PPP1R36: variants seen among roughly 807,000 people sequenced by gnomAD.
PPP1R36 encodes chromosome 14 open reading frame 50.
In PPP1R36, 47 loss-of-function variants were observed where a neutral mutation model predicts 53.4. The observed-to-expected ratio is 0.88, with a 90% CI of 0.70 to 1.12. The LOEUF (loss-of-function observed/expected upper bound fraction) is 1.12, where lower values mean the gene tolerates loss of function less well. Among genes scored for constraint, PPP1R36 ranks in the 50% most tolerant of loss-of-function variants. The pLI is 0.00. For missense variants in PPP1R36, 456 were observed against 513.9 expected, an observed-to-expected ratio of 0.89 and a Z score of 1.09; for synonymous variants, 153 against 170.5, an observed-to-expected ratio of 0.90 and a Z score of 0.80.
At chr14:64,566,847 GC>G (rs1427166177) in intron 6 of PPP1R36, among the ~76,000 whole-genome samples, 4 of 152,226 alleles carry the variant, frequency 2.6e-5, no homozygotes, top group Admixed American at 1.3e-4. Flanking sequence ...CCTAGAAGCA[GC>G]CCTCATTCAG....
At chr14:64,564,698 C>A in intron 3 of PPP1R36, 53 bp from the exon 4 acceptor site, 1 of 1,236,738 alleles carries the variant, frequency 8.1e-7, no homozygotes, top group Non-Finnish European at 1.2e-6. Flanking sequence ...TATGATTTGA[C>A]TTGTTTTCCC....
chr14:64,580,017 T>G (rs1173019011), intron 8 of PPP1R36, among the ~76,000 whole-genome samples: 1 of 144,228 alleles, frequency 6.9e-6, no homozygotes, highest in Non-Finnish European at 1.5e-5. Flanking sequence ...GAAATGATTT[T>G]GGCCAGGCAC....
At chr14:64,559,080 A>G (rs1012617358) in intron 3 of PPP1R36, among the ~76,000 whole-genome samples, 5 of 152,194 alleles carry the variant, frequency 3.3e-5, no homozygotes, top group African/African-American at 1.2e-4. Context: ...TGACTTTGTT[A>G]TGGCAGAAAA....
chr14:64,555,961 CA>C (rs1193243356), intron 3 of PPP1R36, among the ~76,000 whole-genome samples: 1 of 151,946 alleles, frequency 6.6e-6, no homozygotes. Flanking sequence ...TATAAATGTA[CA>C]AAGCAGAAAG....
At chr14:64,560,173 G>A (rs1224155848) in intron 3 of PPP1R36, among the ~76,000 whole-genome samples, 1 of 150,354 alleles carries the variant, frequency 6.7e-6, no homozygotes, top group Non-Finnish European at 1.5e-5. Context: ...AGGCACAGTG[G>A]CTCACGCTTG....
chr14:64,573,020 C>G (rs1171870215), intron 7 of PPP1R36, among the ~76,000 whole-genome samples: 1 of 152,082 alleles, frequency 6.6e-6, no homozygotes, highest in Non-Finnish European at 1.5e-5. Context: ...AATAACTGTT[C>G]TTGCTGACTT....
At chr14:64,568,688 G>A (rs897630158) in intron 7 of PPP1R36, among the ~76,000 whole-genome samples, 3 of 152,202 alleles carry the variant, frequency 2.0e-5, no homozygotes, top group Non-Finnish European at 4.4e-5. Context: ...TGAAAGCCAT[G>A]TATGTAATTT....
Position 64,573,913 on chromosome 14 carries a change from C to CAA in PPP1R36, c.534-512_534-511dup, listed in dbSNP as rs35427371. Reference sequence around the variant, plus strand: ...TGGGCGACACAGCGAGACTCTGTCTCAAAAAAAAAAAAAAAAAAAAAAAAA... The same window carrying CAA: ...TGGGCGACACAGCGAGACTCTGTCTCAAAAAAAAAAAAAAAAAAAAAAAAAAA... On this transcript the variant is annotated intron_variant, in intron 7 of 11. Transcript: ENST00000298705. Among the ~76,000 whole-genome samples the CAA allele has an allele frequency of 9.5e-4, 31 of 32,536 alleles. 1 individual carries two copies. Among genetic ancestry groups the CAA allele is most frequent in the African/African-American group, 2.0e-3 (15 of 7,382 alleles). The allele number at this position is 32,536 out of a possible 152,430, so 21.3% of individuals were successfully genotyped here.
At chr14:64,577,535 C>T (rs953821795) in intron 8 of PPP1R36, among the ~76,000 whole-genome samples, 4 of 152,070 alleles carry the variant, frequency 2.6e-5, no homozygotes, top group Non-Finnish European at 5.9e-5. Flanking sequence ...CAGGGTCAGA[C>T]ATGCATTGAG....
At chr14:64,577,535 C>A (rs953821795) in intron 8 of PPP1R36, among the ~76,000 whole-genome samples, 3 of 152,070 alleles carry the variant, frequency 2.0e-5, no homozygotes, top group Non-Finnish European at 4.4e-5. Flanking sequence ...CAGGGTCAGA[C>A]ATGCATTGAG....
chr14:64,572,536 T>C (rs531984029), intron 7 of PPP1R36, among the ~76,000 whole-genome samples: 2 of 152,304 alleles, frequency 1.3e-5, no homozygotes, highest in South Asian at 2.1e-4. Context: ...TTTTTTTCCA[T>C]TTCAACACAT....
intron 8 of PPP1R36, among the ~76,000 whole-genome samples, chr14:64,580,497 A>C (rs1353532373): frequency 6.6e-6 from 1 of 152,198 alleles, no homozygotes; most frequent in Non-Finnish European, 1.5e-5. Flanking sequence ...ATTTTTACAC[A>C]AACCTTTAAA....
intron 3 of PPP1R36, among the ~76,000 whole-genome samples, chr14:64,556,673 C>A (rs1347718798): frequency 1.4e-5 from 2 of 142,596 alleles, no homozygotes. Context: ...ACTTGGGATG[C>A]TGAGGTGGGA....
rs558097725 is a variant in PPP1R36, at chr14:64,570,750, C to T, written c.533+2303C>T. On this transcript the variant is annotated intron_variant, in intron 7 of 11. Transcript: ENST00000298705. ...AGTGCATGGCACTTGGGAGGAAAGCCTACAGCCGTGAGAGGAAAGCAGAAA... is the reference window on the plus strand; with the variant it reads ...AGTGCATGGCACTTGGGAGGAAAGCTTACAGCCGTGAGAGGAAAGCAGAAA... Among the ~76,000 whole-genome samples, 7 of 152,238 alleles carry T rather than the reference C, an allele frequency of 4.6e-5. No individual in the cohort carries two copies. In the East Asian group the frequency reaches 9.6e-4, roughly 21 times the overall value.
intron 8 of PPP1R36, 21 bp from the exon 9 acceptor site, chr14:64,586,816 T>A: frequency 6.3e-7 from 1 of 1,588,412 alleles, no homozygotes; most frequent in Non-Finnish European, 8.6e-7. Context: ...CAACCTATAG[T>A]TGTGACTTGT....
At chr14:64,550,699 C>A (rs2080087363) in intron 1 of PPP1R36, among the ~76,000 whole-genome samples, 1 of 152,130 alleles carries the variant, frequency 6.6e-6, no homozygotes, top group South Asian at 2.1e-4. Context: ...CACCTAAAAT[C>A]AATCAAAGCG....
intron 2 of PPP1R36, chr14:64,551,521 AAATT>A: frequency 2.3e-6 from 1 of 429,692 alleles, no homozygotes; most frequent in Non-Finnish European, 4.7e-6. Context: ...GTGTATAGCT[AAATT>A]AATACTAGAC....
intron 8 of PPP1R36, among the ~76,000 whole-genome samples, chr14:64,581,832 A>G (rs928158289): frequency 1.3e-5 from 2 of 152,188 alleles, no homozygotes; most frequent in Non-Finnish European, 2.9e-5. Context: ...ATGTCTGAGG[A>G]ACCCTGACAT....
At chr14:64,566,211 T>A (rs1454110639) in intron 6 of PPP1R36, among the ~76,000 whole-genome samples, 1 of 152,072 alleles carries the variant, frequency 6.6e-6, no homozygotes, top group Non-Finnish European at 1.5e-5. Context: ...GAGGTTGCAG[T>A]GAGCTGAGAT....
Sources: gnomAD v4.1 joint callset for allele counts (sites outside exome capture counted in the v4.1 genomes callset) on GRCh38, gnomAD v4.1.1 for gene constraint, MANE v1.5 for transcripts, NCBI Gene and HGNC (gene_info 2026-07-23, HGNC 2026-07-21) for gene names.